Variants in HIVEP2 observed in about 807,000 individuals in gnomAD.
HIVEP2 encodes the protein transcription factor HIVEP2.
A neutral mutation model predicts 180.7 loss-of-function variants in HIVEP2; 14 were observed. The observed-to-expected ratio is 0.08, with a 90% CI of 0.05 to 0.12. HIVEP2 has a LOEUF of 0.12. Among genes scored for constraint, HIVEP2 ranks in the 10% least tolerant of loss-of-function variants. The pLI is 1.00. For synonymous variants in HIVEP2, 1,184 were observed against 1,136.4 expected (o/e 1.04, Z -0.84); for missense variants, 2,579 against 3,008.5 (o/e 0.86, Z 3.34).
At chr6:142,787,505 A>G (rs1443528204) in intron 2 of HIVEP2, among the ~76,000 whole-genome samples, 2 of 149,836 alleles carry the variant, frequency 1.3e-5, no homozygotes, top group Non-Finnish European at 3.0e-5. Context: ...AGAGATATCA[A>G]TGTTCAAGAT....
At chr6:142,788,613 T>C (rs1776064772) in intron 2 of HIVEP2, among the ~76,000 whole-genome samples, 1 of 152,112 alleles carries the variant, frequency 6.6e-6, no homozygotes, top group Admixed American at 6.5e-5. Flanking sequence ...CTCAGGAGGC[T>C]GAGGCAGGAA....
At chr6:142,937,129 A>T in intron 1 of HIVEP2, among the ~76,000 whole-genome samples, 1 of 152,212 alleles carries the variant, frequency 6.6e-6, no homozygotes, top group East Asian at 1.9e-4. Context: ...CAGAGAATTT[A>T]GTTCACTTCA....
chr6:142,774,554 T>C lies in HIVEP2; in HGVS notation c.185A>G (p.Gln62Arg). ...PEQIGNTASA[Q>R]LFGSGKLASP... ...GGCCAGTTTCCCAGAACCAAACAGTTGTGCTGATGCTGTGTTTCCGATTTG... is the reference window on the plus strand; with the variant it reads ...GGCCAGTTTCCCAGAACCAAACAGTCGTGCTGATGCTGTGTTTCCGATTTG... Residue 62 changes from glutamine to arginine, a missense_variant, in exon 5 of 10, where the codon CAA (glutamine) becomes CGA (arginine). Physicochemically the swap from Gln to Arg is conservative, Grantham distance 43 (BLOSUM62 1). Around this residue, in one of 11 missense-constraint regions of HIVEP2, gnomAD observed 207 missense variants for 210.1 expected, o/e 0.99. Transcript: ENST00000367603. The surrounding 1 kb of genome is among the most constrained non-coding windows in gnomAD (Gnocchi z 5.1). The C allele has an allele frequency of 1.2e-6, 2 of 1,614,190 alleles. No individual in the cohort carries two copies. The highest frequency in any genetic ancestry group is 1.7e-6 in the Non-Finnish European group (2 of 1,180,024).
At position 142,760,546 on chromosome 6, in the gene HIVEP2, A is replaced by C. The variant is rs777569230; in HGVS notation, c.5742T>G (p.Asp1914Glu). 5.0e-6 allele frequency: 8 copies of C among 1,613,862 alleles called. No homozygotes were observed. In the South Asian group the frequency reaches 6.6e-5, roughly 13 times the overall value. The change falls in exon 9 of 10, where the codon GAT becomes GAG. Residue 1914 changes from aspartate (D) to glutamate (E), a missense_variant. Asp to Glu is a conservative substitution (Grantham distance 45). This residue lies in a region of HIVEP2 where 660 missense variants were observed against 731.7 expected (regional missense o/e 0.90). Coordinates refer to ENST00000367603, the MANE Select transcript of HIVEP2 (RefSeq NM_006734.4). Reference sequence around the variant, plus strand: ...CGTCAAAGTCATCTTCATCTTCATCATCATCATCATTATCATCTCCATCCT... The same window carrying C: ...CGTCAAAGTCATCTTCATCTTCATCCTCATCATCATTATCATCTCCATCCT... The part of the protein sequence containing the change: ...DGEDGDDNDD[D>E]DEDEDDFDDQ...
At chr6:142,908,587 G>A (rs952033966) in intron 1 of HIVEP2, among the ~76,000 whole-genome samples, 5 of 151,956 alleles carry the variant, frequency 3.3e-5, no homozygotes, top group African/African-American at 1.2e-4. Flanking sequence ...ACCTTTGATT[G>A]GTAAGAAAAT....
At chr6:142,766,054 T>C (rs1305084528) in intron 6 of HIVEP2, among the ~76,000 whole-genome samples, 2 of 152,214 alleles carry the variant, frequency 1.3e-5, no homozygotes, top group South Asian at 2.1e-4. Flanking sequence ...TTTACAGTTT[T>C]TTTACATTCT....
chr6:142,793,104 C>CT (rs1776179253), intron 2 of HIVEP2, among the ~76,000 whole-genome samples: 4 of 152,100 alleles, frequency 2.6e-5, no homozygotes, highest in Admixed American at 2.0e-4. Context: ...ATTTTCCAAA[C>CT]TTTTTTCTGA....
intron 1 of HIVEP2, among the ~76,000 whole-genome samples, chr6:142,868,085 T>G (rs773097895): frequency 2.0e-4 from 30 of 152,158 alleles, no homozygotes; most frequent in Non-Finnish European, 3.1e-4. Flanking sequence ...GCAAGTCAGC[T>G]GTGTCAGTAA....
At chr6:142,888,878 C>T (rs979077762) in intron 1 of HIVEP2, among the ~76,000 whole-genome samples, 1 of 152,200 alleles carries the variant, frequency 6.6e-6, no homozygotes, top group African/African-American at 2.4e-5. Flanking sequence ...AGTTCTCCCT[C>T]TTCTCCCAAA....
intron 3 of HIVEP2, among the ~76,000 whole-genome samples, chr6:142,777,997 G>A (rs1404223501): frequency 3.3e-5 from 5 of 152,128 alleles, no homozygotes; most frequent in South Asian, 2.1e-4. Flanking sequence ...CCACAGGAAC[G>A]GTAAGTCTTT....
intron 2 of HIVEP2, among the ~76,000 whole-genome samples, chr6:142,789,547 T>C (rs375822908): frequency 4.5e-4 from 68 of 152,318 alleles, no homozygotes; most frequent in African/African-American, 1.5e-3. Context: ...TTAGAAACCA[T>C]TGAATTTAAT....
chr6:142,843,180 A>G (rs147536722), intron 1 of HIVEP2, among the ~76,000 whole-genome samples: 6 of 152,314 alleles, frequency 3.9e-5, no homozygotes, highest in African/African-American at 1.4e-4. Flanking sequence ...GTGGAACCCC[A>G]AAGTTCCCAG....
intron 9 of HIVEP2, among the ~76,000 whole-genome samples, chr6:142,758,362 GA>G (rs1264000870): frequency 6.6e-6 from 1 of 152,130 alleles, no homozygotes; most frequent in Non-Finnish European, 1.5e-5. Flanking sequence ...TTCCTAAAGT[GA>G]AAAAATGACA....
intron 2 of HIVEP2, among the ~76,000 whole-genome samples, chr6:142,823,329 T>C (rs1011712490): frequency 3.9e-5 from 6 of 152,208 alleles, no homozygotes; most frequent in Non-Finnish European, 8.8e-5. Flanking sequence ...CCAGATGTCC[T>C]GTAACCCTAA....
intron 1 of HIVEP2, among the ~76,000 whole-genome samples, chr6:142,882,826 T>C (rs1334817203): frequency 6.6e-6 from 1 of 152,162 alleles, no homozygotes; most frequent in Non-Finnish European, 1.5e-5. Flanking sequence ...ATTACCTCAA[T>C]GTTTTAGGTT....
chr6:142,807,038 G>A (rs1190407600), intron 2 of HIVEP2, among the ~76,000 whole-genome samples: 1 of 152,190 alleles, frequency 6.6e-6, no homozygotes, highest in Non-Finnish European at 1.5e-5. Flanking sequence ...CTCAACAGGG[G>A]ATAAGTGATG....
At chr6:142,814,167 G>C (rs1308783280) in intron 2 of HIVEP2, among the ~76,000 whole-genome samples, 1 of 152,050 alleles carries the variant, frequency 6.6e-6, no homozygotes, top group East Asian at 1.9e-4. Flanking sequence ...TGAAACATGT[G>C]CAGAAGTTCA....
At chr6:142,883,162 C>G (rs1776613944) in intron 1 of HIVEP2, among the ~76,000 whole-genome samples, 1 of 151,820 alleles carries the variant, frequency 6.6e-6, no homozygotes, top group Non-Finnish European at 1.5e-5. Context: ...ATTTCACAGT[C>G]CTGAAGATTA....
At chr6:142,848,067 A>G (rs1254649320) in intron 1 of HIVEP2, among the ~76,000 whole-genome samples, 1 of 152,232 alleles carries the variant, frequency 6.6e-6, no homozygotes. Context: ...GGATTATCCC[A>G]TGGTAACCAG....
Sources: gnomAD v4.1 joint callset for allele counts (sites outside exome capture counted in the v4.1 genomes callset) on GRCh38, gnomAD v4.1.1 for gene constraint, gnomAD v4.1.1 regional missense constraint, Gnocchi (gnomAD v3.1) non-coding constraint, MANE v1.5 for transcripts, NCBI Gene and HGNC (gene_info 2026-07-23, HGNC 2026-07-21) for gene names.